ZMYM4: variants seen among roughly 807,000 people sequenced by gnomAD.
ZMYM4 encodes the protein zinc finger MYM-type protein 4.
A neutral mutation model predicts 183.2 loss-of-function variants in ZMYM4; 31 were observed. That is an observed-to-expected ratio of 0.17 (90% confidence interval 0.13 to 0.23). ZMYM4 has a LOEUF of 0.23. Among genes scored for constraint, ZMYM4 ranks in the 10% least tolerant of loss-of-function variants. The pLI, the probability that ZMYM4 is intolerant of heterozygous loss-of-function variation, is 1.00. For missense variants in ZMYM4, 1,273 were observed against 1,840.3 expected (o/e 0.69, Z 5.64); for synonymous variants, 592 against 631.2 (o/e 0.94, Z 0.93).
intron 1 of ZMYM4, among the ~76,000 whole-genome samples, chr1:35,299,454 G>A (rs1047775558): frequency 6.6e-6 from 1 of 152,162 alleles, no homozygotes; most frequent in Non-Finnish European, 1.5e-5. Flanking sequence ...AGAATTTTCT[G>A]GGGTTTAAAT....
At position 35,405,395 on chromosome 1, in the gene ZMYM4, C is replaced by G. The variant is rs1644984759; in HGVS notation, c.3723C>G (p.Ser1241Arg). 1 of 1,613,288 alleles carries G rather than the reference C, an allele frequency of 6.2e-7. No individual in the cohort carries two copies. The highest frequency in any genetic ancestry group is 1.1e-5 in the South Asian group (1 of 90,862). ...CAGGGGTTGAACAGGCCTCATCTAG[C>G]CCACGTTCTGACCCCTTAGGAAGTA... ...KCGGVEQASS[S>R]PRSDPLGSTQ... Residue 1241 changes from serine (S) to arginine (R), a missense_variant, in exon 25 of 30, where the codon AGC (serine) becomes AGG (arginine). Transcript: ENST00000314607.
Position 35,385,661 on chromosome 1 carries a change from G to A in ZMYM4, c.1720+69G>A, listed in dbSNP as rs193162062. The A allele has an allele frequency of 3.0e-5, 44 of 1,477,514 alleles. No homozygotes were observed. In the Admixed American group the frequency reaches 7.4e-4, roughly 25 times the overall value. 91.5% of individuals were successfully genotyped at this position (1,477,514 alleles called of 1,614,324 possible). A position where few individuals can be genotyped will look rare whatever the true frequency, so the allele number is the denominator to read the frequency against. On this transcript the variant is annotated intron_variant, in intron 10 of 29. Transcript: ENST00000314607. ...TAATGGTTATTGCTTTGTTTTTAACGGTTTTTTTTGGTTGATTTTTAAGGC... is the reference window on the plus strand; with the variant it reads ...TAATGGTTATTGCTTTGTTTTTAACAGTTTTTTTTGGTTGATTTTTAAGGC...
intron 5 of ZMYM4, 114 bp downstream of exon 5, chr1:35,361,903 T>C: frequency 2.2e-6 from 3 of 1,382,470 alleles, no homozygotes; most frequent in Non-Finnish European, 2.9e-6. Flanking sequence ...GAAAGGAAAC[T>C]CTTAAAGAAG....
chr1:35,338,900 T>TC (rs1335852698), intron 2 of ZMYM4, among the ~76,000 whole-genome samples: 2 of 152,270 alleles, frequency 1.3e-5, no homozygotes, highest in Non-Finnish European at 2.9e-5. Context: ...CTCATTCATC[T>TC]CTTATGTCTT....
chr1:35,410,680 A>T (rs1194546551), intron 26 of ZMYM4, among the ~76,000 whole-genome samples: 1 of 143,878 alleles, frequency 7.0e-6, no homozygotes, highest in Non-Finnish European at 1.5e-5. Flanking sequence ...TCCAGTAGAG[A>T]CGGGGTTTCA....
intron 18 of ZMYM4, 27 bp downstream of exon 18, chr1:35,393,766 A>C (rs540973714): frequency 8.3e-6 from 13 of 1,558,016 alleles, no homozygotes; most frequent in African/African-American, 6.9e-5. Flanking sequence ...TTCTTTCTTT[A>C]TTAATTTTTT....
intron 1 of ZMYM4, among the ~76,000 whole-genome samples, chr1:35,285,478 C>A (rs1640435239): frequency 6.6e-6 from 1 of 151,866 alleles, no homozygotes; most frequent in Admixed American, 6.6e-5. Context: ...TCACTACAGT[C>A]TGTCCTTTGT....
chr1:35,417,175 T>C (rs1053750106), intron 28 of ZMYM4, among the ~76,000 whole-genome samples: 2 of 150,670 alleles, frequency 1.3e-5, no homozygotes, highest in Non-Finnish European at 3.0e-5. Context: ...AGTTTGAGGC[T>C]GTAGTGAGCT....
At chr1:35,388,330 G>T (rs550382229) in intron 13 of ZMYM4, among the ~76,000 whole-genome samples, 27 of 151,996 alleles carry the variant, frequency 1.8e-4, no homozygotes, top group African/African-American at 6.5e-4. Context: ...TCAACCTCCC[G>T]AGTAGCTGGG....
intron 9 of ZMYM4, among the ~76,000 whole-genome samples, chr1:35,382,850 A>G (rs576850721): frequency 1.3e-5 from 2 of 152,306 alleles, no homozygotes; most frequent in South Asian, 2.1e-4. Flanking sequence ...ACAGATAACA[A>G]ATCCTGTCAT....
At chr1:35,383,497 G>A (rs1022249362) in intron 9 of ZMYM4, among the ~76,000 whole-genome samples, 6 of 151,898 alleles carry the variant, frequency 4.0e-5, no homozygotes, top group African/African-American at 1.2e-4. Context: ...TCCTGTTAAT[G>A]TGAAAACACA....
At chr1:35,390,570 G>T (rs1180522679) in intron 15 of ZMYM4, among the ~76,000 whole-genome samples, 4 of 152,246 alleles carry the variant, frequency 2.6e-5, no homozygotes, top group Non-Finnish European at 5.9e-5. Flanking sequence ...TTTTGTGTTG[G>T]AATGTCATCA....
chr1:35,375,552 G>GA (rs1366225618), intron 7 of ZMYM4, among the ~76,000 whole-genome samples: 1 of 152,152 alleles, frequency 6.6e-6, no homozygotes, highest in African/African-American at 2.4e-5. Context: ...GGCAGAGATG[G>GA]AAAAAATTTC....
chr1:35,305,937 A>G (rs565757973), intron 1 of ZMYM4, among the ~76,000 whole-genome samples: 2 of 152,198 alleles, frequency 1.3e-5, no homozygotes, highest in African/African-American at 4.8e-5. Context: ...TTGGATTGAC[A>G]TGTGTTACCC....
intron 5 of ZMYM4, among the ~76,000 whole-genome samples, chr1:35,369,543 G>A (rs1392870547): frequency 1.3e-5 from 2 of 151,950 alleles, no homozygotes; most frequent in African/African-American, 4.8e-5. Flanking sequence ...TATAAGAATG[G>A]TATATTTAAT....
Position 35,366,392 on chromosome 1 carries a change from C to T in ZMYM4, c.841-3637C>T, listed in dbSNP as rs979834791. Among the ~76,000 whole-genome samples, 26 of 151,884 alleles carry T rather than the reference C, an allele frequency of 1.7e-4. 1 individual carries two copies. The highest frequency in any genetic ancestry group is 3.1e-4 in the Non-Finnish European group (21 of 67,972). On this transcript the variant is annotated intron_variant, in intron 5 of 29. Transcript: ENST00000314607. ...AAAGAATACAAGTTGCGGATGTCATCGTTATTATTTAACTCTTGTTGGATT... is the reference window on the plus strand; with the variant it reads ...AAAGAATACAAGTTGCGGATGTCATTGTTATTATTTAACTCTTGTTGGATT...
At chr1:35,296,936 A>G (rs1641048481) in intron 1 of ZMYM4, among the ~76,000 whole-genome samples, 1 of 135,430 alleles carries the variant, frequency 7.4e-6, no homozygotes, top group African/African-American at 2.9e-5. Context: ...TGCAACCTCC[A>G]TCTCCCGGGT....
chr1:35,313,157 G>C (rs1181851166), intron 1 of ZMYM4, among the ~76,000 whole-genome samples: 7 of 152,008 alleles, frequency 4.6e-5, no homozygotes, highest in Non-Finnish European at 1.5e-5. Flanking sequence ...GCCTCCCAAA[G>C]TGCTGGGATT....
intron 25 of ZMYM4, 93 bp from the exon 26 acceptor site, chr1:35,407,915 T>A (rs1449488446): frequency 6.6e-7 from 1 of 1,519,050 alleles, no homozygotes; most frequent in Non-Finnish European, 9.0e-7. Context: ...CCGCAGTGCC[T>A]GGAGCACAGT....
Sources: allele counts gnomAD v4.1 joint callset (sites outside exome capture counted in the v4.1 genomes callset), GRCh38; gene constraint gnomAD v4.1.1; transcripts MANE v1.5; gene names NCBI Gene and HGNC (gene_info 2026-07-23, HGNC 2026-07-21).